The following ESR1 variants were observed in gnomAD, a reference collection of about 807,000 sequenced individuals.
ESR1 encodes the protein estrogen receptor.
In ESR1, 12 loss-of-function variants were observed where a neutral mutation model predicts 52.7. That is an observed-to-expected ratio of 0.23 (90% CI 0.15 to 0.37). ESR1 has a LOEUF of 0.37. ESR1 is among the 10% of genes least tolerant of loss of function. The probability of loss-of-function intolerance (pLI) is 1.00; values close to 1 mark genes in which losing one functional copy is unlikely to be tolerated. For synonymous variants in ESR1, 305 were observed against 316.8 expected (o/e 0.96, Z 0.39); for missense variants, 584 against 779.7 (o/e 0.75, Z 2.99).
chr6:151,788,512 A>T (rs1301783422), intron 2 of ESR1, among the ~76,000 whole-genome samples: 1 of 152,212 alleles, frequency 6.6e-6, no homozygotes, highest in African/African-American at 2.4e-5. Flanking sequence ...TGGGAGTGTA[A>T]ATTAGTTCAA....
At chr6:151,693,222 A>G (rs1386324137) in intron 1 of ESR1, among the ~76,000 whole-genome samples, 2 of 152,234 alleles carry the variant, frequency 1.3e-5, no homozygotes, top group Non-Finnish European at 2.9e-5. Context: ...AGCCTAGCAC[A>G]GTGCCTGGTA....
intron 4 of ESR1, among the ~76,000 whole-genome samples, chr6:151,989,475 AT>A (rs11286879): frequency 0.027 from 4,183 of 152,168 alleles, 201 homozygotes; most frequent in African/African-American, 0.092. Context: ...CTTCAAAAGT[AT>A]TTAAAAAAAT....
intron 4 of ESR1, among the ~76,000 whole-genome samples, chr6:152,007,945 A>G (rs1458358783): frequency 1.3e-5 from 2 of 152,150 alleles, no homozygotes; most frequent in Non-Finnish European, 2.9e-5. Flanking sequence ...TTGGAATTGC[A>G]TATCAGAACA....
At chr6:151,721,870 T>C (rs952836334) in intron 2 of ESR1, among the ~76,000 whole-genome samples, 3 of 152,262 alleles carry the variant, frequency 2.0e-5, no homozygotes, top group African/African-American at 4.8e-5. Flanking sequence ...TAAACAAATG[T>C]ACGTTGCATT....
chr6:152,122,559 G>C, intron 6 of ESR1: 2 of 1,614,210 alleles, frequency 1.2e-6, no homozygotes, highest in South Asian at 1.1e-5. Context: ...GCCCGATGAG[G>C]AGGAGCAGGA....
chr6:151,751,695 C>A (rs1468309691), intron 2 of ESR1, among the ~76,000 whole-genome samples: 1 of 152,122 alleles, frequency 6.6e-6, no homozygotes, highest in Non-Finnish European at 1.5e-5. Context: ...TTTTAGTTTT[C>A]TCAGAACAAA....
intron 6 of ESR1, among the ~76,000 whole-genome samples, chr6:152,073,327 C>T (rs879375242): frequency 2.0e-5 from 3 of 152,148 alleles, no homozygotes; most frequent in Admixed American, 6.5e-5. Context: ...AAAGGGACTT[C>T]GATTTTGTAT....
chr6:151,934,063 G>A (rs990715161), intron 3 of ESR1, among the ~76,000 whole-genome samples: 3 of 152,142 alleles, frequency 2.0e-5, no homozygotes, highest in African/African-American at 7.2e-5. Flanking sequence ...ACCTTAGCTG[G>A]CATGGCCCTG....
intron 2 of ESR1, among the ~76,000 whole-genome samples, chr6:151,728,024 G>A (rs1458040891): frequency 6.6e-6 from 1 of 152,190 alleles, no homozygotes; most frequent in African/African-American, 2.4e-5. Flanking sequence ...GGAAGGCCAA[G>A]CACCTTGACT....
chr6:151,865,368 A>G (rs1353625171), intron 2 of ESR1, among the ~76,000 whole-genome samples: 11 of 152,166 alleles, frequency 7.2e-5, no homozygotes, highest in Admixed American at 7.2e-4. Context: ...TTATTGGCAC[A>G]AAGTTTTGCA....
chr6:151,795,864 A>T (rs1776646020), intron 2 of ESR1, among the ~76,000 whole-genome samples: 1 of 152,138 alleles, frequency 6.6e-6, no homozygotes, highest in Admixed American at 6.5e-5. Flanking sequence ...AATGACGAAG[A>T]TGTGGCCGGG....
chr6:151,715,501 T>A (rs978827606), intron 2 of ESR1, among the ~76,000 whole-genome samples: 2 of 152,224 alleles, frequency 1.3e-5, no homozygotes, highest in Non-Finnish European at 2.9e-5. Flanking sequence ...TCTTTTCACA[T>A]AGTCCCATAT....
At chr6:152,068,011 A>G (rs1301499650) in intron 6 of ESR1, among the ~76,000 whole-genome samples, 1 of 152,242 alleles carries the variant, frequency 6.6e-6, no homozygotes, top group Non-Finnish European at 1.5e-5. Flanking sequence ...AGCAAAACAA[A>G]TTCTTAAATT....
At chr6:151,778,763 T>G (rs1276783678) in intron 2 of ESR1, among the ~76,000 whole-genome samples, 3 of 152,128 alleles carry the variant, frequency 2.0e-5, no homozygotes, top group African/African-American at 7.2e-5. Flanking sequence ...AACTGTGAGA[T>G]TTTGAATCTC....
At chr6:151,880,848 C>A in intron 3 of ESR1, 77 bp downstream of exon 3, 1 of 769,502 alleles carries the variant, frequency 1.3e-6, no homozygotes, top group Non-Finnish European at 2.3e-6. Flanking sequence ...ATTGGAATAA[C>A]ACCATGGGAA....
intron 1 of ESR1, among the ~76,000 whole-genome samples, chr6:151,810,517 A>T (rs1270156956): frequency 6.6e-6 from 1 of 152,194 alleles, no homozygotes; most frequent in Non-Finnish European, 1.5e-5. Flanking sequence ...GAAAGGATTG[A>T]TTGGGCTCTT....
intron 3 of ESR1, among the ~76,000 whole-genome samples, chr6:151,893,340 C>T (rs1794974588): frequency 6.6e-6 from 1 of 152,050 alleles, no homozygotes; most frequent in Non-Finnish European, 1.5e-5. Context: ...CAGAGCTAGA[C>T]TCCATCTCAA....
At chr6:151,718,387 A>G (rs1018044212) in intron 2 of ESR1, among the ~76,000 whole-genome samples, 2 of 152,230 alleles carry the variant, frequency 1.3e-5, no homozygotes, top group Non-Finnish European at 1.5e-5. Context: ...ACATTTACTA[A>G]GCAAACAAGA....
chr6:152,041,942 G>T (rs2045835297), intron 5 of ESR1, among the ~76,000 whole-genome samples: 1 of 152,196 alleles, frequency 6.6e-6, no homozygotes, highest in African/African-American at 2.4e-5. Flanking sequence ...TCCAGCAGCT[G>T]CAATTGGAGT....
Sources: allele counts gnomAD v4.1 joint callset (sites outside exome capture counted in the v4.1 genomes callset), GRCh38; gene constraint gnomAD v4.1.1; transcripts MANE v1.5; gene names NCBI Gene and HGNC (gene_info 2026-07-23, HGNC 2026-07-21).